Variants in ADD3 observed in about 807,000 individuals in gnomAD.
ADD3 encodes gamma-adducin.
A neutral mutation model predicts 80.2 loss-of-function variants in ADD3; 25 were observed. The observed-to-expected ratio is 0.31, with a 90% CI of 0.23 to 0.44. The LOEUF is 0.44. ADD3 is among the 20% of genes least tolerant of loss of function. The pLI is 1.00. For synonymous variants in ADD3, 284 were observed against 289.6 expected, an observed-to-expected ratio of 0.98 and a Z score of 0.20; for missense variants, 829 against 847.5, an observed-to-expected ratio of 0.98 and a Z score of 0.27.
chr10:110,107,577 C>T (rs1002981717), intron 2 of ADD3, among the ~76,000 whole-genome samples: 1 of 152,112 alleles, frequency 6.6e-6, no homozygotes, highest in Non-Finnish European at 1.5e-5. Flanking sequence ...CATCATTGCC[C>T]ATTTTGTTTA....
In ADD3 at chr10:110,116,430, A is replaced by T; in HGVS notation, c.486+20A>T. 1 of 1,611,060 alleles carries T rather than the reference A, an allele frequency of 6.2e-7. No homozygotes were observed. ...ATCTCAGTGAGTTCTTCAGCTTTCA[A>T]TTCCTTTTTTAAAAAATTCCAGCTA... On this transcript the variant is annotated intron_variant, in intron 4 of 14. Transcript: ENST00000356080.
intron 1 of ADD3, among the ~76,000 whole-genome samples, chr10:109,999,175 C>A (rs566380842): frequency 6.6e-6 from 1 of 152,118 alleles, no homozygotes; most frequent in Admixed American, 6.5e-5. Flanking sequence ...TTGGGGACTA[C>A]GTACATTCTA....
intron 1 of ADD3, among the ~76,000 whole-genome samples, chr10:110,093,758 T>C (rs575724603): frequency 5.1e-4 from 78 of 152,330 alleles, no homozygotes; most frequent in African/African-American, 1.8e-3. Flanking sequence ...TCTTTGTCTT[T>C]ATGCATCTTA....
chr10:110,053,499 C>G (rs1392958329), intron 1 of ADD3, among the ~76,000 whole-genome samples: 1 of 151,382 alleles, frequency 6.6e-6, no homozygotes, highest in Non-Finnish European at 1.5e-5. Flanking sequence ...CTGTAATACC[C>G]AAGACTATTG....
At chr10:110,063,737 T>TTTTATATATATATATA (rs1491263798) in intron 1 of ADD3, among the ~76,000 whole-genome samples, 1 of 64,656 alleles carries the variant, frequency 1.5e-5, no homozygotes, top group African/African-American at 6.1e-5. Context: ...TATATATTCA[T>TTTTATATATATATATA]TATATATATA....
chr10:110,036,708 A>G (rs1855709191), intron 1 of ADD3, among the ~76,000 whole-genome samples: 1 of 151,974 alleles, frequency 6.6e-6, no homozygotes. Context: ...TTCAATATCT[A>G]AGTAGATACT....
chr10:110,135,465 C>G lies in ADD3; in HGVS notation c.*1847C>G, dbSNP rs146310933. The G allele has an allele frequency of 6.6e-6, 1 of 152,516 alleles. No homozygotes were observed. Among genetic ancestry groups the G allele is most frequent in the African/African-American group, 2.4e-5 (1 of 41,402 alleles). 9.4% of individuals were successfully genotyped at this position (152,516 alleles called of 1,614,324 possible). Reference sequence around the variant, plus strand: ...TTGGCATAAAGAATGAGCCAATGAACCTCTGTGTCCTGTGGAAAAATGTAT... The same window carrying G: ...TTGGCATAAAGAATGAGCCAATGAAGCTCTGTGTCCTGTGGAAAAATGTAT... On this transcript the variant is annotated 3_prime_UTR_variant, in exon 15 of 15. Transcript: ENST00000356080.
At chr10:110,044,065 T>C (rs1856655276) in intron 1 of ADD3, among the ~76,000 whole-genome samples, 1 of 152,054 alleles carries the variant, frequency 6.6e-6, no homozygotes, top group Admixed American at 6.5e-5. Flanking sequence ...TATGCAGGCA[T>C]GGTGACACAC....
chr10:110,025,415 C>T (rs1457954463), intron 1 of ADD3, among the ~76,000 whole-genome samples: 7 of 151,946 alleles, frequency 4.6e-5, no homozygotes, highest in Non-Finnish European at 8.8e-5. Flanking sequence ...CAACTTCTGC[C>T]TCCATGGTTC....
rs1396852374 is a variant in ADD3 at position 110,134,940 on chromosome 10, T to C, written c.*1322T>C. On this transcript the variant is annotated 3_prime_UTR_variant, in exon 15 of 15. Transcript: ENST00000356080. ...TCTTTTCAGTGACCTTTCTTTTTAA[T>C]GTAAATACAAATTTAAACCTAGGCT... The C allele has an allele frequency of 2.0e-5, 3 of 152,460 alleles. No homozygotes were observed. The highest frequency in any genetic ancestry group is 7.2e-5 in the African/African-American group (3 of 41,476). The allele number at this position is 152,460 out of a possible 1,614,324, so 9.4% of individuals were successfully genotyped here.
In ADD3 at chr10:110,112,664, T is replaced by C. The variant is rs559912304; in HGVS notation, c.196-113T>C. 477 of 1,237,600 alleles carry C rather than the reference T, an allele frequency of 3.9e-4. 5 individuals are homozygous for C. The South Asian group carries it at 7.2e-3, about 19-fold the overall frequency. The allele number at this position is 1,237,600 out of a possible 1,614,324, so 76.7% of individuals were successfully genotyped here. A position where few individuals can be genotyped will look rare whatever the true frequency, so the allele number is the denominator to read the frequency against. On this transcript the variant is annotated intron_variant, in intron 2 of 14. Transcript: ENST00000356080. ...GTGTTTTATATTTGTTTTTAAATAG[T>C]ACAGGTAAAAGCTATTCAGAAAAGG...
At chr10:110,123,441 ATT>A (rs1201594312) in intron 9 of ADD3, among the ~76,000 whole-genome samples, 1 of 151,742 alleles carries the variant, frequency 6.6e-6, no homozygotes, top group Non-Finnish European at 1.5e-5. Context: ...TTTAATTTGC[ATT>A]TTCTTGATTA....
intron 1 of ADD3, among the ~76,000 whole-genome samples, chr10:110,053,518 T>A (rs1305350884): frequency 6.8e-6 from 1 of 146,314 alleles, no homozygotes; most frequent in East Asian, 1.9e-4. Flanking sequence ...TGTTTTTCTA[T>A]GAGTAAACTT....
intron 4 of ADD3, among the ~76,000 whole-genome samples, chr10:110,117,000 T>G (rs187754280): frequency 5.3e-5 from 8 of 152,360 alleles, no homozygotes; most frequent in African/African-American, 1.9e-4. Context: ...CCATTTTGCC[T>G]TAACTTCCAA....
At chr10:110,124,715 A>G (rs1164021615) in intron 10 of ADD3, among the ~76,000 whole-genome samples, 1 of 152,164 alleles carries the variant, frequency 6.6e-6, no homozygotes, top group East Asian at 1.9e-4. Context: ...GAATCACTGC[A>G]CATAGCTACC....
intron 9 of ADD3, among the ~76,000 whole-genome samples, chr10:110,122,830 C>G (rs1367137696): frequency 6.6e-6 from 1 of 151,570 alleles, no homozygotes; most frequent in Admixed American, 6.6e-5. Flanking sequence ...TAGGGTTTCT[C>G]CATGTTGCCC....
At chr10:110,066,935 A>C (rs534954328) in intron 1 of ADD3, among the ~76,000 whole-genome samples, 1 of 152,348 alleles carries the variant, frequency 6.6e-6, no homozygotes, top group Non-Finnish European at 1.5e-5. Flanking sequence ...CTCTAGCTAC[A>C]AATTTTTGTT....
chr10:110,009,201 A>G (rs1361593182), intron 1 of ADD3, among the ~76,000 whole-genome samples: 2 of 152,206 alleles, frequency 1.3e-5, no homozygotes, highest in Non-Finnish European at 2.9e-5. Flanking sequence ...AACTTAGCCA[A>G]GAGGCTTTGA....
At chr10:110,091,241 G>A (rs74815177) in intron 1 of ADD3, among the ~76,000 whole-genome samples, 1 of 152,096 alleles carries the variant, frequency 6.6e-6, no homozygotes, top group Non-Finnish European at 1.5e-5. Context: ...TATATCTTTA[G>A]GAAATGATAG....
Sources: allele counts gnomAD v4.1 joint callset (sites outside exome capture counted in the v4.1 genomes callset), GRCh38; gene constraint gnomAD v4.1.1; transcripts MANE v1.5; gene names NCBI Gene and HGNC (gene_info 2026-07-23, HGNC 2026-07-21).